CENPW: variants seen among roughly 807,000 people sequenced by gnomAD.
The protein encoded by CENPW is centromere protein W.
CENPW carries 3 observed loss-of-function variants against 11.1 expected under a neutral mutation model. The ratio of observed to expected loss-of-function variants is 0.27; its 90% CI spans 0.12 to 0.70. The LOEUF (loss-of-function observed/expected upper bound fraction) is 0.70, where lower values mean the gene tolerates loss of function less well. CENPW is among the 30% of genes least tolerant of loss of function. CENPW has a pLI of 0.77. For synonymous variants in CENPW, 38 were observed against 42.0 expected, an observed-to-expected ratio of 0.91 and a Z score of 0.37; for missense variants, 100 against 105.6, an observed-to-expected ratio of 0.95 and a Z score of 0.23.
chr6:126,348,964 G>A (rs1780459445), downstream of CENPW: 1 of 152,038 alleles, frequency 6.6e-6, no homozygotes, highest in African/African-American at 2.4e-5. Context: ...TATTATGCCA[G>A]TAGTAATGTT....
intron 1 of CENPW, 170 bp downstream of exon 1, chr6:126,340,569 C>T: frequency 1.1e-6 from 1 of 900,928 alleles, no homozygotes; most frequent in South Asian, 1.7e-5. Context: ...CATGTCAGTT[C>T]ATATTCCTGG....
At chr6:126,405,809 T>C in the CENPW span, among the ~76,000 whole-genome samples, 3 of 152,116 alleles carry the variant, frequency 2.0e-5, no homozygotes, top group South Asian at 4.1e-4. Flanking sequence ...TATTTGTGTA[T>C]AGAAATGCTA....
chr6:126,446,413 C>T, the CENPW span, among the ~76,000 whole-genome samples: 9 of 143,738 alleles, frequency 6.3e-5, no homozygotes, highest in African/African-American at 2.3e-4. Context: ...CTTCTTAATA[C>T]TTTTAATCCT....
chr6:126,432,988 A>C, the CENPW span, among the ~76,000 whole-genome samples: 9 of 152,178 alleles, frequency 5.9e-5, no homozygotes, highest in African/African-American at 2.2e-4. Context: ...TGGCAAGAGA[A>C]AACAGTGATT....
chr6:126,382,087 AAAC>A, the CENPW span, among the ~76,000 whole-genome samples: 1 of 152,006 alleles, frequency 6.6e-6, no homozygotes, highest in African/African-American at 2.4e-5. Flanking sequence ...TACAAAAACA[AAAC>A]AACAATAACA....
the CENPW span, among the ~76,000 whole-genome samples, chr6:126,468,732 T>C: frequency 3.3e-5 from 5 of 152,192 alleles, no homozygotes; most frequent in African/African-American, 1.2e-4. Context: ...TACAGTTAGA[T>C]ATTGTAAGAC....
chr6:126,358,214 T>G, the CENPW span, among the ~76,000 whole-genome samples: 1 of 152,204 alleles, frequency 6.6e-6, no homozygotes, highest in Non-Finnish European at 1.5e-5. Context: ...TTTTCCTAAA[T>G]TGCTCTGGTC....
At chr6:126,378,499 C>A in the CENPW span, among the ~76,000 whole-genome samples, 1 of 150,698 alleles carries the variant, frequency 6.6e-6, no homozygotes, top group Admixed American at 6.6e-5. Flanking sequence ...TAACTTCAAT[C>A]AATGTAGGCA....
the CENPW span, among the ~76,000 whole-genome samples, chr6:126,369,452 A>C: frequency 6.6e-5 from 10 of 152,152 alleles, no homozygotes; most frequent in Admixed American, 6.5e-4. Context: ...ATTTTTTTAA[A>C]GTTGTTGATT....
At chr6:126,468,320 T>C in the CENPW span, among the ~76,000 whole-genome samples, 1 of 147,996 alleles carries the variant, frequency 6.8e-6, no homozygotes, top group Non-Finnish European at 1.5e-5. Context: ...ACTGGGAAGC[T>C]GAGGCCGGAG....
At chr6:126,341,772 G>C (rs1288277388) in intron 1 of CENPW, among the ~76,000 whole-genome samples, 1 of 152,174 alleles carries the variant, frequency 6.6e-6, no homozygotes, top group Admixed American at 6.5e-5. Context: ...AAATGTACCT[G>C]ATCAAAGATA....
chr6:126,441,383 C>A, the CENPW span, among the ~76,000 whole-genome samples: 3 of 151,376 alleles, frequency 2.0e-5, no homozygotes, highest in East Asian at 5.8e-4. Flanking sequence ...ATTCTGTAAA[C>A]TGCCGAACTT....
At chr6:126,418,318 T>C in the CENPW span, among the ~76,000 whole-genome samples, 504 of 152,328 alleles carry the variant, frequency 3.3e-3, 3 homozygotes, top group African/African-American at 0.011. Context: ...GCGTTATTCA[T>C]AGTAACAAAA....
the CENPW span, among the ~76,000 whole-genome samples, chr6:126,475,403 T>A: frequency 6.6e-6 from 1 of 151,958 alleles, no homozygotes; most frequent in African/African-American, 2.4e-5. Flanking sequence ...AGATACAAAT[T>A]TTTTTAAAAA....
chr6:126,453,253 T>G, the CENPW span, among the ~76,000 whole-genome samples: 1 of 150,958 alleles, frequency 6.6e-6, no homozygotes, highest in Admixed American at 6.6e-5. Context: ...CCCAGACACA[T>G]AGTCATCAGA....
chr6:126,448,047 A>G, the CENPW span, among the ~76,000 whole-genome samples: 2 of 151,250 alleles, frequency 1.3e-5, no homozygotes, highest in Non-Finnish European at 3.0e-5. Flanking sequence ...TATGTTCACT[A>G]TAATTATCAG....
chr6:126,421,242 C>A, the CENPW span, among the ~76,000 whole-genome samples: 14 of 152,060 alleles, frequency 9.2e-5, no homozygotes, highest in Non-Finnish European at 1.9e-4. Flanking sequence ...TTCATTAAAA[C>A]TTTTAGTATA....
chr6:126,432,041 G>C, the CENPW span, among the ~76,000 whole-genome samples: 1 of 136,330 alleles, frequency 7.3e-6, no homozygotes, highest in African/African-American at 2.8e-5. Context: ...CTCCAGCCTA[G>C]GCAACAGACT....
chr6:126,360,663 T>C, the CENPW span, among the ~76,000 whole-genome samples: 5 of 152,234 alleles, frequency 3.3e-5, no homozygotes, highest in South Asian at 1.0e-3. Flanking sequence ...TTTGAAGAAC[T>C]GGTCTTCAAG....
Sources: gnomAD v4.1 joint callset for allele counts (sites outside exome capture counted in the v4.1 genomes callset) on GRCh38, gnomAD v4.1.1 for gene constraint, MANE v1.5 for transcripts, NCBI Gene and HGNC (gene_info 2026-07-23, HGNC 2026-07-21) for gene names.